Variants in UNC5D observed in about 807,000 individuals in gnomAD.
UNC5D encodes the protein unc-5 netrin receptor D.
Under a neutral mutation model 105.4 loss-of-function variants are expected in UNC5D, and 39 were observed. The ratio of observed to expected loss-of-function variants is 0.37; its 90% CI spans 0.29 to 0.48. UNC5D has a LOEUF of 0.48. UNC5D is among the 20% of genes least tolerant of loss of function. The probability of loss-of-function intolerance (pLI) is 0.98; values close to 1 mark genes in which losing one functional copy is unlikely to be tolerated. For synonymous variants in UNC5D, 452 were observed against 450.4 expected (o/e 1.00, Z -0.04); for missense variants, 991 against 1,202.4 (o/e 0.82, Z 2.60).
chr8:35,458,546 T>A (rs981741384), intron 1 of UNC5D, among the ~76,000 whole-genome samples: 4 of 152,154 alleles, frequency 2.6e-5, no homozygotes, highest in African/African-American at 9.7e-5. Flanking sequence ...GCCCTCACTC[T>A]TGCCACTAAG....
intron 1 of UNC5D, among the ~76,000 whole-genome samples, chr8:35,428,470 G>A (rs1446037138): frequency 1.3e-5 from 2 of 150,950 alleles, no homozygotes; most frequent in South Asian, 2.1e-4. Context: ...ATAGGTGTGA[G>A]CCACTGCCCC....
intron 4 of UNC5D, among the ~76,000 whole-genome samples, chr8:35,629,031 A>G (rs1312145325): frequency 6.6e-6 from 1 of 151,986 alleles, no homozygotes; most frequent in African/African-American, 2.4e-5. Context: ...GGAGGGGCCC[A>G]TGGAACAGTT....
intron 7 of UNC5D, among the ~76,000 whole-genome samples, chr8:35,690,504 G>A (rs1307210903): frequency 6.6e-6 from 1 of 152,158 alleles, no homozygotes; most frequent in Non-Finnish European, 1.5e-5. Flanking sequence ...CAGACATGGT[G>A]GCTTATGCCT....
rs372775055 is a variant in UNC5D, at chr8:35,615,684, T to C, written c.570+20027T>C. Among the ~76,000 whole-genome samples the C allele has an allele frequency of 7.2e-5, 11 of 152,264 alleles. No individual in the cohort carries two copies. In the East Asian group the frequency reaches 2.1e-3, roughly 29 times the overall value. ...ATTGCTTTTTAAAATTTTTCTCTTA[T>C]ATTTAATTTTTCATGCCTGTGTGTC... is the stretch of plus-strand genomic sequence containing the variant. On this transcript the variant is annotated intron_variant, in intron 4 of 16. Coordinates refer to ENST00000404895, the MANE Select transcript of UNC5D (RefSeq NM_080872.4).
intron 1 of UNC5D, among the ~76,000 whole-genome samples, chr8:35,260,119 C>T (rs72633507): frequency 6.6e-6 from 1 of 152,102 alleles, no homozygotes; most frequent in Non-Finnish European, 1.5e-5. Flanking sequence ...CAGTGTTATT[C>T]CTGAGTGAAT....
At chr8:35,723,569 GTTTTAT>G (rs1828699290) in intron 9 of UNC5D, among the ~76,000 whole-genome samples, 1 of 151,782 alleles carries the variant, frequency 6.6e-6, no homozygotes, top group East Asian at 1.9e-4. Flanking sequence ...CTAAGTTTTT[GTTTTAT>G]TTTTATTTTT....
At chr8:35,419,979 G>T (rs546206988) in intron 1 of UNC5D, among the ~76,000 whole-genome samples, 3 of 152,126 alleles carry the variant, frequency 2.0e-5, no homozygotes, top group African/African-American at 7.2e-5. Context: ...GAGTCTGGGG[G>T]TTTTTATGGG....
intron 1 of UNC5D, among the ~76,000 whole-genome samples, chr8:35,427,552 G>A (rs1806335754): frequency 1.3e-5 from 2 of 152,216 alleles, no homozygotes; most frequent in Non-Finnish European, 2.9e-5. Context: ...CAAAGGGATT[G>A]GCACTGTTCT....
At chr8:35,473,567 C>A (rs1217610070) in intron 1 of UNC5D, among the ~76,000 whole-genome samples, 1 of 152,160 alleles carries the variant, frequency 6.6e-6, no homozygotes, top group Non-Finnish European at 1.5e-5. Context: ...GAGTCCCCTG[C>A]AGCTCCAAGA....
At chr8:35,489,006 C>T (rs1465069302) in intron 1 of UNC5D, among the ~76,000 whole-genome samples, 1 of 151,314 alleles carries the variant, frequency 6.6e-6, no homozygotes, top group African/African-American at 2.4e-5. Context: ...TTATCTCCCC[C>T]CAATTTTTTT....
At chr8:35,283,623 G>A (rs1386356566) in intron 1 of UNC5D, among the ~76,000 whole-genome samples, 5 of 151,488 alleles carry the variant, frequency 3.3e-5, no homozygotes, top group African/African-American at 1.2e-4. Context: ...ACAAAACCCT[G>A]TCTCTCCTAA....
intron 4 of UNC5D, among the ~76,000 whole-genome samples, chr8:35,614,272 C>T (rs1041489656): frequency 6.6e-6 from 1 of 152,152 alleles, no homozygotes; most frequent in African/African-American, 2.4e-5. Context: ...CTGTTTAATA[C>T]AGGAATCACT....
chr8:35,298,959 A>G (rs1401037849), intron 1 of UNC5D, among the ~76,000 whole-genome samples: 4 of 152,162 alleles, frequency 2.6e-5, no homozygotes, highest in Non-Finnish European at 5.9e-5. Flanking sequence ...TGTTTATTTC[A>G]AAATTGGTAC....
chr8:35,755,058 T>C (rs1185327115), intron 13 of UNC5D, among the ~76,000 whole-genome samples: 1 of 152,140 alleles, frequency 6.6e-6, no homozygotes, highest in African/African-American at 2.4e-5. Flanking sequence ...ATGTTTGACA[T>C]CACCTCCTTT....
intron 1 of UNC5D, among the ~76,000 whole-genome samples, chr8:35,503,411 T>C (rs1373691611): frequency 1.3e-5 from 2 of 152,162 alleles, no homozygotes; most frequent in Non-Finnish European, 2.9e-5. Context: ...TCCTGAGACT[T>C]ACTCACTAGC....
At chr8:35,370,197 C>A (rs1802349718) in intron 1 of UNC5D, among the ~76,000 whole-genome samples, 1 of 152,090 alleles carries the variant, frequency 6.6e-6, no homozygotes, top group South Asian at 2.1e-4. Flanking sequence ...AGAATAAATA[C>A]CATGAGTTAA....
chr8:35,297,476 A>G (rs184700604), intron 1 of UNC5D, among the ~76,000 whole-genome samples: 4 of 152,198 alleles, frequency 2.6e-5, no homozygotes, highest in African/African-American at 4.8e-5. Flanking sequence ...TATTTAAATG[A>G]TGGAATCACA....
intron 1 of UNC5D, among the ~76,000 whole-genome samples, chr8:35,341,779 A>G (rs1049591077): frequency 6.6e-6 from 1 of 152,110 alleles, no homozygotes; most frequent in African/African-American, 2.4e-5. Flanking sequence ...CAACCAGCTA[A>G]TTTTTTAAAA....
At chr8:35,354,932 C>T (rs1801464651) in intron 1 of UNC5D, among the ~76,000 whole-genome samples, 1 of 152,142 alleles carries the variant, frequency 6.6e-6, no homozygotes, top group Non-Finnish European at 1.5e-5. Flanking sequence ...TTCCATGTGG[C>T]TTGGACTTCT....
Sources: gnomAD v4.1 joint callset for allele counts (sites outside exome capture counted in the v4.1 genomes callset) on GRCh38, gnomAD v4.1.1 for gene constraint, MANE v1.5 for transcripts, NCBI Gene and HGNC (gene_info 2026-07-23, HGNC 2026-07-21) for gene names.